EPPIN: variants seen among roughly 807,000 people sequenced by gnomAD.
EPPIN encodes epididymal peptidase inhibitor.
A neutral mutation model predicts 18.8 loss-of-function variants in EPPIN; 14 were observed. The ratio of observed to expected loss-of-function variants is 0.75; its 90% CI spans 0.49 to 1.17. EPPIN has a LOEUF of 1.17. EPPIN is among the 50% of genes most tolerant of loss of function. The probability of loss-of-function intolerance (pLI) is 0.00; values close to 1 mark genes in which losing one functional copy is unlikely to be tolerated. For synonymous variants in EPPIN, 57 were observed against 54.8 expected (o/e 1.04, Z -0.18); for missense variants, 143 against 154.2 (o/e 0.93, Z 0.39).
At chr20:45,542,567 C>T in intron 3 of EPPIN, 133 bp downstream of exon 3, 2 of 1,361,686 alleles carry the variant, frequency 1.5e-6, no homozygotes, top group South Asian at 2.9e-5. Flanking sequence ...TGCATTCTTA[C>T]CTCCTGATCA....
rs779982485 is a variant in EPPIN, at chr20:45,542,806, A to C, written c.285T>G (p.Tyr95Ter). 1.2e-6 allele frequency: 2 copies of C among 1,613,870 alleles called. No homozygotes were observed. The highest frequency in any genetic ancestry group is 4.5e-5 in the East Asian group (2 of 44,884). ...PCLAYFLHWWYDKKDNTCSMF... is the reference protein window; with the variant it reads ...PCLAYFLHWW The stretch of plus-strand genomic sequence containing the variant: ...TGGAGCAAGTATTATCTTTCTTGTC[A>C]TACCACCAATGAAGAAAATAAGCCA... Residue 95 changes from tyrosine to a stop codon, truncating the protein, a stop_gained, in exon 3 of 4, where the codon TAT (tyrosine) becomes TAG (stop). Transcript: ENST00000354280. LOFTEE classifies it high-confidence loss of function.
intron 3 of EPPIN, 94 bp from the exon 4 acceptor site, chr20:45,542,248 A>G (rs1292723931): frequency 6.5e-7 from 1 of 1,542,684 alleles, no homozygotes; most frequent in Non-Finnish European, 8.8e-7. Flanking sequence ...GCACAGAAAG[A>G]CACTAAAAAG....
At chr20:45,547,161 T>G in intron 1 of EPPIN, 106 bp downstream of exon 1, 2 of 1,499,646 alleles carry the variant, frequency 1.3e-6, no homozygotes, top group South Asian at 2.6e-5. Flanking sequence ...ACCCGGGACC[T>G]GGGCTAAGAT....
At chr20:45,542,446 C>T (rs145186344) in intron 3 of EPPIN, 36 of 637,880 alleles carry the variant, frequency 5.6e-5, no homozygotes, top group African/African-American at 1.8e-4. Flanking sequence ...TACACCCTTC[C>T]TCCACCCCTC....
In EPPIN at chr20:45,544,722, T is replaced by C. The variant is rs964214087; in HGVS notation, c.223+917A>G. On this transcript the variant is annotated intron_variant, in intron 2 of 3. Coordinates refer to ENST00000354280, the MANE Select transcript of EPPIN (RefSeq NM_020398.4). ...TCTGTTCCTCCTATTTTAAACTCGA[T>C]AGATGTAGTATGAACCTGGTCATAT... 9 of 152,152 alleles carry C rather than the reference T, an allele frequency of 5.9e-5. No homozygotes were observed. The East Asian group carries it at 7.7e-4, about 13-fold the overall frequency. 9.4% of individuals were successfully genotyped at this position (152,152 alleles called of 1,614,324 possible). A position where few individuals can be genotyped will look rare whatever the true frequency, so the allele number is the denominator to read the frequency against.
intron 3 of EPPIN, 165 bp from the exon 4 acceptor site, chr20:45,542,319 C>G: frequency 1.1e-6 from 1 of 889,060 alleles, no homozygotes; most frequent in Non-Finnish European, 1.7e-6. Context: ...AGGAGTGAAT[C>G]GCTGCCAAAG....
At chr20:45,543,993 G>C (rs1333109979) in intron 2 of EPPIN, 1 of 152,134 alleles carries the variant, frequency 6.6e-6, no homozygotes, top group African/African-American at 2.4e-5. Context: ...GCCACACCTT[G>C]CTTCAGAGTC....
intron 3 of EPPIN, chr20:45,542,448 C>T (rs1979635100): frequency 1.6e-6 from 1 of 639,626 alleles, no homozygotes; most frequent in Non-Finnish European, 2.6e-6. Flanking sequence ...CACCCTTCCT[C>T]CACCCCTCCT....
rs542246761 is a variant in EPPIN at position 45,540,682 on chromosome 20, A to C, written c.*1462T>G. The C allele has an allele frequency of 4.8e-4, 73 of 152,350 alleles. No homozygotes were observed. The highest frequency in any genetic ancestry group is 1.7e-3 in the African/African-American group (71 of 41,584). The allele number at this position is 152,350 out of a possible 1,614,324, so 9.4% of individuals were successfully genotyped here. ...AACATATGAAAAAAAGCTCAACACC[A>C]GTGATCATCAGAGAAATGCAAATCA... On this transcript the variant is annotated 3_prime_UTR_variant, in exon 4 of 4. Transcript: ENST00000354280.
intron 1 of EPPIN, among the ~76,000 whole-genome samples, chr20:45,546,661 C>T (rs1979849065): frequency 6.6e-6 from 1 of 152,144 alleles, no homozygotes; most frequent in Admixed American, 6.5e-5. Context: ...GATTTGAACC[C>T]ACTAAGTCTG....
chr20:45,542,979 T>C (rs2231836), intron 2 of EPPIN, 112 bp from the exon 3 acceptor site: 24,340 of 1,446,638 alleles, frequency 0.017, 1,048 homozygotes, highest in African/African-American at 0.13. Context: ...GCTCCTTTTC[T>C]CTTATCACAT....
intron 2 of EPPIN, 53 bp downstream of exon 2, chr20:45,545,586 A>T (rs1159944876): frequency 6.2e-7 from 1 of 1,611,294 alleles, no homozygotes; most frequent in South Asian, 1.1e-5. Context: ...AGGAAGGCAG[A>T]AGGTGAGGAC....
chr20:45,546,657 A>G (rs1183327592), intron 1 of EPPIN, among the ~76,000 whole-genome samples: 1 of 152,194 alleles, frequency 6.6e-6, no homozygotes, highest in African/African-American at 2.4e-5. Flanking sequence ...CCAAGATTTG[A>G]ACCCACTAAG....
chr20:45,545,438 A>T (rs1568989692), intron 2 of EPPIN: 2 of 781,468 alleles, frequency 2.6e-6, no homozygotes, highest in Non-Finnish European at 3.9e-6. Context: ...TGAGTCTCAG[A>T]CATTACCTGA....
intron 3 of EPPIN, 174 bp from the exon 4 acceptor site, chr20:45,542,328 A>C (rs1021557996): frequency 1.1e-5 from 9 of 845,460 alleles, no homozygotes; most frequent in Non-Finnish European, 1.3e-5. Context: ...TCGCTGCCAA[A>C]GAGTTGTGTT....
intron 3 of EPPIN, 33 bp from the exon 4 acceptor site, chr20:45,542,187 A>G (rs1568988378): frequency 6.2e-7 from 1 of 1,612,902 alleles, no homozygotes; most frequent in Admixed American, 1.7e-5. Context: ...ACAGCTGAGC[A>G]TCTTGGGTTC....
In EPPIN at chr20:45,542,735, G is replaced by T; in HGVS notation, c.356C>A (p.Ser119Tyr). 1.2e-6 allele frequency: 2 copies of T among 1,613,958 alleles called. No homozygotes were observed. Among genetic ancestry groups the T allele is most frequent in the Non-Finnish European group, 1.7e-6 (2 of 1,179,876 alleles). ...GCAGGTGTTCAGGCAGTTGGCTTTG[G>T]ATTGGAAGTTGTTATTGTTTCCCTG... The part of the protein sequence containing the change: ...GCQGNNNNFQ[S>Y]KANCLNTCKN... Residue 119 changes from serine to tyrosine, a missense_variant, in exon 3 of 4, where the codon TCC (serine) becomes TAC (tyrosine). By Grantham distance (144) the Ser-to-Tyr change is moderately radical. Transcript: ENST00000354280.
chr20:45,547,279 A>C lies in EPPIN; in HGVS notation c.79T>G (p.Trp27Gly), dbSNP rs1449632554. ...ANVQGPGLTD[W>G]LFPRRCPKIR... is the part of the protein sequence containing the mutation. ...GGCCAATACTTACTGGGAAATAACC[A>C]ATCAGTCAGACCAGGTCCCTGGACA... The change falls in exon 1 of 4, where the codon TGG becomes GGG. Residue 27 changes from tryptophan to glycine, a missense_variant. Coordinates refer to ENST00000354280, the MANE Select transcript of EPPIN (RefSeq NM_020398.4). 1 of 1,613,942 alleles carries C rather than the reference A, an allele frequency of 6.2e-7. No individual in the cohort carries two copies. Among genetic ancestry groups the C allele is most frequent in the Non-Finnish European group, 8.5e-7 (1 of 1,179,852 alleles).
intron 1 of EPPIN, among the ~76,000 whole-genome samples, chr20:45,546,552 G>A (rs939735821): frequency 1.2e-4 from 18 of 152,066 alleles, no homozygotes; most frequent in African/African-American, 4.1e-4. Flanking sequence ...CTTTATAATT[G>A]CTCTATGAAG....
Sources: allele counts gnomAD v4.1 joint callset (sites outside exome capture counted in the v4.1 genomes callset), GRCh38; gene constraint gnomAD v4.1.1; transcripts MANE v1.5; gene names NCBI Gene and HGNC (gene_info 2026-07-23, HGNC 2026-07-21).